The following TMEM132D variants were observed in gnomAD, a reference collection of about 807,000 sequenced individuals.
TMEM132D encodes transmembrane protein 132D.
Under a neutral mutation model 62.3 loss-of-function variants are expected in TMEM132D, and 21 were observed. That is an observed-to-expected ratio of 0.34 (90% confidence interval 0.24 to 0.49). The LOEUF (loss-of-function observed/expected upper bound fraction) is 0.49, where lower values mean the gene tolerates loss of function less well. TMEM132D is among the 20% of genes least tolerant of loss of function. The pLI is 0.99. For synonymous variants in TMEM132D, 621 were observed against 575.6 expected, an observed-to-expected ratio of 1.08 and a Z score of -1.13; for missense variants, 1,346 against 1,402.8, an observed-to-expected ratio of 0.96 and a Z score of 0.65.
At chr12:129,785,283 A>T (rs143743896) in intron 1 of TMEM132D, among the ~76,000 whole-genome samples, 4 of 152,206 alleles carry the variant, frequency 2.6e-5, no homozygotes, top group African/African-American at 9.6e-5. Context: ...TCTACTTAGT[A>T]TCAGACTCTA....
intron 2 of TMEM132D, among the ~76,000 whole-genome samples, chr12:129,650,348 CGTT>C (rs1368844134): frequency 1.3e-5 from 2 of 152,030 alleles, no homozygotes; most frequent in African/African-American, 4.8e-5. Flanking sequence ...ATGATTCAGA[CGTT>C]GTATTTTTGA....
intron 3 of TMEM132D, among the ~76,000 whole-genome samples, chr12:129,481,528 A>AAAT (rs1466661827): frequency 7.0e-6 from 1 of 143,404 alleles, no homozygotes; most frequent in Non-Finnish European, 1.6e-5. Context: ...AAAAATACAA[A>AAAT]ACAATTTACA....
chr12:129,652,224 G>T (rs1879947978), intron 2 of TMEM132D, among the ~76,000 whole-genome samples: 1 of 152,178 alleles, frequency 6.6e-6, no homozygotes, highest in African/African-American at 2.4e-5. Flanking sequence ...TAGAACTTGG[G>T]TATATATTTT....
At chr12:129,438,610 G>A (rs1872854887) in intron 3 of TMEM132D, among the ~76,000 whole-genome samples, 1 of 152,102 alleles carries the variant, frequency 6.6e-6, no homozygotes, top group Admixed American at 6.5e-5. Context: ...TCTTTTCCTG[G>A]GGTGGGTGTA....
At chr12:129,555,522 T>A (rs745848332) in intron 2 of TMEM132D, among the ~76,000 whole-genome samples, 2 of 152,220 alleles carry the variant, frequency 1.3e-5, no homozygotes, top group South Asian at 4.1e-4. Flanking sequence ...GTTTCATGTA[T>A]AAAATGACAT....
At chr12:129,344,591 A>T (rs1241766581) in intron 3 of TMEM132D, among the ~76,000 whole-genome samples, 1 of 152,118 alleles carries the variant, frequency 6.6e-6, no homozygotes, top group African/African-American at 2.4e-5. Context: ...GAGCTGACTT[A>T]GTTGCTTCTA....
intron 1 of TMEM132D, among the ~76,000 whole-genome samples, chr12:129,702,876 G>A (rs982888657): frequency 8.5e-5 from 13 of 152,168 alleles, no homozygotes; most frequent in African/African-American, 2.9e-4. Flanking sequence ...TTTTACACTA[G>A]GATGTTATTC....
At chr12:129,392,316 C>T (rs145122807) in intron 3 of TMEM132D, among the ~76,000 whole-genome samples, 1 of 152,232 alleles carries the variant, frequency 6.6e-6, no homozygotes, top group Non-Finnish European at 1.5e-5. Flanking sequence ...CCTCAGCCTC[C>T]CAAAGTGCTG....
chr12:129,094,763 CAA>C (rs1310058757), intron 5 of TMEM132D, among the ~76,000 whole-genome samples: 2 of 152,086 alleles, frequency 1.3e-5, no homozygotes, highest in African/African-American at 4.8e-5. Context: ...TTCACAATAG[CAA>C]AGACTTGGAA....
At chr12:129,568,946 G>C (rs150745298) in intron 2 of TMEM132D, among the ~76,000 whole-genome samples, 7 of 152,144 alleles carry the variant, frequency 4.6e-5, no homozygotes, top group Non-Finnish European at 1.5e-5. Flanking sequence ...ACCTGGGAGG[G>C]ATTAAATCAC....
chr12:129,427,636 T>C (rs1186624726), intron 3 of TMEM132D, among the ~76,000 whole-genome samples: 1 of 152,092 alleles, frequency 6.6e-6, no homozygotes, highest in Non-Finnish European at 1.5e-5. Context: ...GCACTATGCA[T>C]CCCAGTTTTT....
intron 2 of TMEM132D, among the ~76,000 whole-genome samples, chr12:129,685,745 T>C (rs997231762): frequency 3.3e-5 from 5 of 151,998 alleles, no homozygotes; most frequent in Non-Finnish European, 5.9e-5. Flanking sequence ...TGCCAGCCCA[T>C]GAAAGCAGCT....
Position 129,903,976 on chromosome 12 carries a change from G to C in TMEM132D, c.-637C>G, listed in dbSNP as rs1371647919. ...CCCGGCCGCCGCCTCGGCCCGCCCG[G>C]CCCCGGGCCCGGCTGGGGCTCGCGG... is the stretch of plus-strand genomic sequence containing the variant. On this transcript the variant is annotated 5_prime_UTR_variant, in exon 1 of 9. Coordinates refer to ENST00000422113, the MANE Select transcript of TMEM132D (RefSeq NM_133448.3). This position sits in a 1 kb window ranked among gnomAD's most constrained non-coding sequence, Gnocchi z 6.2. Among the ~76,000 whole-genome samples the C allele has an allele frequency of 1.3e-5, 2 of 148,908 alleles. No homozygotes were observed. The highest frequency in any genetic ancestry group is 2.4e-5 in the African/African-American group (1 of 41,124).
chr12:129,638,672 G>C (rs1279056118), intron 2 of TMEM132D, among the ~76,000 whole-genome samples: 1 of 151,034 alleles, frequency 6.6e-6, no homozygotes, highest in Non-Finnish European at 1.5e-5. Flanking sequence ...TGGACCCATG[G>C]AATTCTTTCT....
chr12:129,496,928 C>A (rs1874976242), intron 3 of TMEM132D, among the ~76,000 whole-genome samples: 1 of 152,214 alleles, frequency 6.6e-6, no homozygotes, highest in African/African-American at 2.4e-5. Context: ...CCTCCAGCTC[C>A]CCACGGGACT....
chr12:129,624,158 T>C (rs1293759998), intron 2 of TMEM132D, among the ~76,000 whole-genome samples: 1 of 152,234 alleles, frequency 6.6e-6, no homozygotes, highest in Non-Finnish European at 1.5e-5. Flanking sequence ...CTGCATGTAT[T>C]ATAATCTACC....
chr12:129,724,753 C>T (rs1374847719), intron 1 of TMEM132D, among the ~76,000 whole-genome samples: 1 of 152,010 alleles, frequency 6.6e-6, no homozygotes, highest in African/African-American at 2.4e-5. Flanking sequence ...GAACTCCTGA[C>T]CTCAGATGAT....
chr12:129,846,217 T>G (rs754907836), intron 1 of TMEM132D, among the ~76,000 whole-genome samples: 2 of 152,226 alleles, frequency 1.3e-5, no homozygotes, highest in Admixed American at 6.5e-5. Flanking sequence ...CAATTTTCAT[T>G]TAATTACCCA....
At chr12:129,226,221 A>T (rs1290959829) in intron 4 of TMEM132D, among the ~76,000 whole-genome samples, 1 of 152,232 alleles carries the variant, frequency 6.6e-6, no homozygotes, top group African/African-American at 2.4e-5. Context: ...GGGTGAATGA[A>T]CTATAGGAAC....
Sources: gnomAD v4.1 joint callset for allele counts (sites outside exome capture counted in the v4.1 genomes callset) on GRCh38, gnomAD v4.1.1 for gene constraint, Gnocchi (gnomAD v3.1) non-coding constraint, MANE v1.5 for transcripts, NCBI Gene and HGNC (gene_info 2026-07-23, HGNC 2026-07-21) for gene names.